PPFIA2: variants seen among roughly 807,000 people sequenced by gnomAD.
The protein encoded by PPFIA2 is liprin-alpha-2.
A neutral mutation model predicts 175.5 loss-of-function variants in PPFIA2; 46 were observed. That is an observed-to-expected ratio of 0.26 (90% CI 0.21 to 0.34). The LOEUF (loss-of-function observed/expected upper bound fraction) is 0.34, where lower values mean the gene tolerates loss of function less well. Ranked by LOEUF, PPFIA2 falls within the 10% of genes least tolerant of loss-of-function variation. The pLI is 1.00. For missense variants in PPFIA2, 1,179 were observed against 1,506.1 expected, an observed-to-expected ratio of 0.78 and a Z score of 3.60; for synonymous variants, 568 against 511.4, an observed-to-expected ratio of 1.11 and a Z score of -1.49.
At chr12:81,535,457 A>G (rs2065238797) in intron 4 of PPFIA2, 3 of 455,454 alleles carry the variant, frequency 6.6e-6, no homozygotes, top group South Asian at 4.7e-5. Flanking sequence ...GATGCTCAAT[A>G]TCCTGAAAGG....
intron 4 of PPFIA2, among the ~76,000 whole-genome samples, chr12:81,602,456 G>A (rs767219276): frequency 2.1e-4 from 31 of 148,004 alleles, no homozygotes; most frequent in Non-Finnish European, 4.4e-4. Context: ...TTGTGTTGTT[G>A]TTATGGTTTT....
At chr12:81,696,376 G>GCT (rs1396517847) in intron 3 of PPFIA2, among the ~76,000 whole-genome samples, 1 of 152,072 alleles carries the variant, frequency 6.6e-6, no homozygotes, top group Non-Finnish European at 1.5e-5. Flanking sequence ...GTGGCTGCAG[G>GCT]CTCTTAACTC....
intron 5 of PPFIA2, among the ~76,000 whole-genome samples, chr12:81,447,209 TATC>T (rs1242305129): frequency 6.6e-6 from 1 of 152,192 alleles, no homozygotes; most frequent in Non-Finnish European, 1.5e-5. Context: ...CTTTAAAATT[TATC>T]AATCTCTGAT....
intron 28 of PPFIA2, among the ~76,000 whole-genome samples, chr12:81,276,372 A>T (rs953389792): frequency 6.6e-6 from 1 of 152,148 alleles, no homozygotes; most frequent in Non-Finnish European, 1.5e-5. Context: ...CACCACCACA[A>T]ATATATCCAT....
intron 3 of PPFIA2, among the ~76,000 whole-genome samples, chr12:81,742,616 T>C (rs2082460042): frequency 6.6e-6 from 1 of 152,174 alleles, no homozygotes; most frequent in Non-Finnish European, 1.5e-5. Context: ...GTTGAAAGAA[T>C]GTCTGGAGAA....
At chr12:81,711,466 T>A (rs1285074723) in intron 3 of PPFIA2, among the ~76,000 whole-genome samples, 2 of 151,314 alleles carry the variant, frequency 1.3e-5, no homozygotes, top group African/African-American at 4.8e-5. Context: ...ATACTATCTA[T>A]CTATTTATCT....
At chr12:81,744,939 G>A (rs892443339) in intron 3 of PPFIA2, among the ~76,000 whole-genome samples, 2 of 152,096 alleles carry the variant, frequency 1.3e-5, no homozygotes, top group Admixed American at 1.3e-4. Flanking sequence ...TTTATTATCT[G>A]CAAAATGGGA....
At chr12:81,522,513 A>G (rs2063275195) in intron 4 of PPFIA2, among the ~76,000 whole-genome samples, 1 of 152,248 alleles carries the variant, frequency 6.6e-6, no homozygotes, top group Non-Finnish European at 1.5e-5. Context: ...CTGTAAGTAT[A>G]CAATAGGAAA....
chr12:81,321,607 C>T (rs1341912450), intron 22 of PPFIA2, among the ~76,000 whole-genome samples: 1 of 152,002 alleles, frequency 6.6e-6, no homozygotes, highest in Non-Finnish European at 1.5e-5. Flanking sequence ...CTATTTGGAG[C>T]TTCCAGTTAT....
intron 8 of PPFIA2, among the ~76,000 whole-genome samples, chr12:81,399,290 CAAAAAAAAAAA>C (rs543794696): frequency 9.5e-5 from 4 of 42,020 alleles, no homozygotes; most frequent in Admixed American, 2.8e-4. Context: ...TCCTTCTTCA[CAAAAAAAAAAA>C]AAAAAAAAAA....
At chr12:81,672,616 A>T (rs755035273) in intron 4 of PPFIA2, among the ~76,000 whole-genome samples, 134 of 152,082 alleles carry the variant, frequency 8.8e-4, no homozygotes, top group Admixed American at 4.6e-4. Context: ...CATTTAGGAA[A>T]AAAACTAAAC....
At chr12:81,276,132 A>T (rs1194926287) in intron 28 of PPFIA2, among the ~76,000 whole-genome samples, 3 of 152,164 alleles carry the variant, frequency 2.0e-5, no homozygotes, top group Non-Finnish European at 4.4e-5. Context: ...TTAGCAAAAA[A>T]AAGCCCACGT....
At chr12:81,395,950 C>A (rs189057410) in intron 8 of PPFIA2, among the ~76,000 whole-genome samples, 2,043 of 152,106 alleles carry the variant, frequency 0.013, 26 homozygotes, top group South Asian at 0.025. Flanking sequence ...TTGTAAATGG[C>A]AGTTATATCC....
At chr12:81,716,854 A>G (rs2078693019) in intron 3 of PPFIA2, among the ~76,000 whole-genome samples, 1 of 151,712 alleles carries the variant, frequency 6.6e-6, no homozygotes, top group Non-Finnish European at 1.5e-5. Flanking sequence ...TTGGATAAAT[A>G]AATGTTACCA....
intron 4 of PPFIA2, among the ~76,000 whole-genome samples, chr12:81,564,123 GA>G (rs1429782976): frequency 6.6e-6 from 1 of 152,164 alleles, no homozygotes. Flanking sequence ...ACATAAGTAT[GA>G]AAAACAATTA....
At chr12:81,601,147 T>C (rs2059751219) in intron 4 of PPFIA2, among the ~76,000 whole-genome samples, 1 of 151,954 alleles carries the variant, frequency 6.6e-6, no homozygotes, top group Non-Finnish European at 1.5e-5. Context: ...TATAGATTAA[T>C]GTTAAAAGAG....
chr12:81,708,884 G>A (rs186589193), intron 3 of PPFIA2, among the ~76,000 whole-genome samples: 1 of 152,226 alleles, frequency 6.6e-6, no homozygotes. Flanking sequence ...ACAAAACAGT[G>A]TTGTTTCAGG....
chr12:81,716,115 T>C, intron 3 of PPFIA2, among the ~76,000 whole-genome samples: 1 of 151,654 alleles, frequency 6.6e-6, no homozygotes, highest in Non-Finnish European at 1.5e-5. Context: ...TAATTGTTCA[T>C]TTATTACCAT....
chr12:81,507,076 A>T (rs1486005642), intron 4 of PPFIA2, among the ~76,000 whole-genome samples: 1 of 151,528 alleles, frequency 6.6e-6, no homozygotes, highest in Non-Finnish European at 1.5e-5. Flanking sequence ...TTCAAATAGT[A>T]TTTTTTTTTC....
Sources: allele counts gnomAD v4.1 joint callset (sites outside exome capture counted in the v4.1 genomes callset), GRCh38; gene constraint gnomAD v4.1.1; transcripts MANE v1.5; gene names NCBI Gene and HGNC (gene_info 2026-07-23, HGNC 2026-07-21).